The following PTPRM variants were observed in gnomAD, a reference collection of about 807,000 sequenced individuals.
The protein encoded by PTPRM is receptor-type tyrosine-protein phosphatase mu.
PTPRM carries 47 observed loss-of-function variants against 186.7 expected under a neutral mutation model. The observed-to-expected ratio is 0.25, with a 90% CI of 0.20 to 0.32. The LOEUF (loss-of-function observed/expected upper bound fraction) is 0.32. PTPRM is among the 10% of genes least tolerant of loss of function. The probability of loss-of-function intolerance (pLI) is 1.00; values close to 1 mark genes in which losing one functional copy is unlikely to be tolerated. For synonymous variants in PTPRM, 668 were observed against 674.9 expected (o/e 0.99, Z 0.16); for missense variants, 1,494 against 1,865.0 (o/e 0.80, Z 3.66).
chr18:8,218,828 G>A (rs2094120122), intron 14 of PTPRM, among the ~76,000 whole-genome samples: 1 of 152,216 alleles, frequency 6.6e-6, no homozygotes, highest in Non-Finnish European at 1.5e-5. Context: ...CAAAGAATAA[G>A]TTGAATTTAG....
intron 1 of PTPRM, among the ~76,000 whole-genome samples, chr18:7,586,804 T>C (rs1389480237): frequency 6.6e-6 from 1 of 152,170 alleles, no homozygotes; most frequent in Non-Finnish European, 1.5e-5. Flanking sequence ...ATGGTAAATA[T>C]TGACATTTTA....
At chr18:8,232,463 G>A (rs908993242) in intron 14 of PTPRM, among the ~76,000 whole-genome samples, 26 of 152,218 alleles carry the variant, frequency 1.7e-4, no homozygotes, top group African/African-American at 6.3e-4. Context: ...TGGGTAAATA[G>A]CAAGGAGCAT....
At chr18:8,069,625 T>C in intron 7 of PTPRM, 61 bp from the exon 8 acceptor site, 2 of 1,424,196 alleles carry the variant, frequency 1.4e-6, no homozygotes, top group South Asian at 2.7e-5. Flanking sequence ...ACCTTTGGGA[T>C]TGACCTGAGC....
chr18:7,948,449 C>G (rs990512333), intron 5 of PTPRM, among the ~76,000 whole-genome samples: 6 of 152,016 alleles, frequency 3.9e-5, no homozygotes, highest in Non-Finnish European at 1.5e-5. Flanking sequence ...AATGGATTTC[C>G]AAGTGTGCAT....
At chr18:7,841,417 G>T (rs994022018) in intron 2 of PTPRM, among the ~76,000 whole-genome samples, 22 of 149,860 alleles carry the variant, frequency 1.5e-4, no homozygotes, top group African/African-American at 5.4e-4. Flanking sequence ...TCAGCCTGCT[G>T]AGTAGCTGGG....
intron 13 of PTPRM, chr18:8,121,729 T>G (rs1047138363): frequency 1.7e-4 from 26 of 152,292 alleles, no homozygotes; most frequent in African/African-American, 6.3e-4. Flanking sequence ...ATAAAAACGT[T>G]TTTAGTGAAA....
At chr18:7,657,653 C>A (rs1055014080) in intron 1 of PTPRM, among the ~76,000 whole-genome samples, 1 of 152,202 alleles carries the variant, frequency 6.6e-6, no homozygotes, top group Non-Finnish European at 1.5e-5. Context: ...AAGGGGCATA[C>A]GATTTTAATT....
At chr18:8,280,604 T>C (rs1475932513) in intron 19 of PTPRM, among the ~76,000 whole-genome samples, 1 of 152,182 alleles carries the variant, frequency 6.6e-6, no homozygotes, top group Non-Finnish European at 1.5e-5. Flanking sequence ...GCTATTTAAA[T>C]GTAAATAATT....
chr18:7,791,000 G>A (rs2043315541), intron 2 of PTPRM, among the ~76,000 whole-genome samples: 2 of 151,850 alleles, frequency 1.3e-5, no homozygotes, highest in African/African-American at 4.8e-5. Flanking sequence ...AAAGGAGCTG[G>A]TAGTTTGTCA....
intron 14 of PTPRM, among the ~76,000 whole-genome samples, chr18:8,182,485 A>T (rs553149274): frequency 4.6e-5 from 7 of 152,256 alleles, no homozygotes; most frequent in Non-Finnish European, 1.0e-4. Context: ...TGAATGTCAC[A>T]CTAGTGATAG....
At chr18:8,233,765 G>A (rs2094314502) in intron 14 of PTPRM, among the ~76,000 whole-genome samples, 1 of 151,986 alleles carries the variant, frequency 6.6e-6, no homozygotes, top group African/African-American at 2.4e-5. Context: ...TCTTCTAGGA[G>A]TTTCATAGTT....
At chr18:7,651,593 T>C (rs374858746) in intron 1 of PTPRM, among the ~76,000 whole-genome samples, 95 of 151,882 alleles carry the variant, frequency 6.3e-4, no homozygotes, top group African/African-American at 2.2e-3. Context: ...TCAGAAATAA[T>C]GCCGCATATC....
intron 4 of PTPRM, among the ~76,000 whole-genome samples, chr18:7,908,568 G>A (rs529765007): frequency 6.6e-6 from 1 of 152,136 alleles, no homozygotes; most frequent in Non-Finnish European, 1.5e-5. Flanking sequence ...TGCTCTCTCT[G>A]ATATCTTTAT....
Position 8,247,919 on chromosome 18 carries a change from G to C in PTPRM, c.2527G>C (p.Asp843His), listed in dbSNP as rs750193639. Residue 843 changes from aspartate to histidine, a missense_variant and splice_region_variant, in exon 16 of 33, where the codon GAC (aspartate) becomes CAC (histidine). By Grantham distance (81) the Asp-to-His change is moderately conservative (BLOSUM62 -1). Around this residue, in one of 3 missense-constraint regions of PTPRM, gnomAD observed 1,107 missense variants for 1,350.2 expected, o/e 0.82. Coordinates refer to ENST00000580170, the MANE Select transcript of PTPRM (RefSeq NM_001105244.2). Reference sequence around the variant, plus strand: ...ATCGGTGCCTAATTCCTATTACCCAGGTAACAGTTTTTTCCATTGTCTCCT... The same window carrying C: ...ATCGGTGCCTAATTCCTATTACCCACGTAACAGTTTTTTCCATTGTCTCCT... The part of the protein sequence containing the change: ...STSVPNSYYP[D>H]PFVPTAILVP... The C allele has an allele frequency of 1.9e-6, 3 of 1,582,388 alleles. No individual in the cohort carries two copies. The highest frequency in any genetic ancestry group is 2.6e-6 in the Non-Finnish European group (3 of 1,151,112).
chr18:8,246,372 G>A (rs1172516258), intron 15 of PTPRM, among the ~76,000 whole-genome samples: 1 of 152,148 alleles, frequency 6.6e-6, no homozygotes, highest in African/African-American at 2.4e-5. Flanking sequence ...TGAGAATGGG[G>A]ATTAATCTCT....
intron 1 of PTPRM, among the ~76,000 whole-genome samples, chr18:7,654,141 T>A (rs1270378266): frequency 6.6e-6 from 1 of 152,224 alleles, no homozygotes; most frequent in Non-Finnish European, 1.5e-5. Context: ...TCTGTTCTTG[T>A]CTTTTGCCCA....
intron 13 of PTPRM, among the ~76,000 whole-genome samples, chr18:8,128,383 GGTT>G (rs2092423688): frequency 6.6e-6 from 1 of 152,126 alleles, no homozygotes; most frequent in Admixed American, 6.6e-5. Context: ...TAATATAGAG[GGTT>G]GGTGTGAGGA....
chr18:8,254,588 C>T (rs1217195691), intron 19 of PTPRM, among the ~76,000 whole-genome samples: 1 of 152,186 alleles, frequency 6.6e-6, no homozygotes, highest in Non-Finnish European at 1.5e-5. Context: ...TGGGAAACAT[C>T]TTGTCTGGAA....
chr18:7,795,918 A>G (rs1379794877), intron 2 of PTPRM, among the ~76,000 whole-genome samples: 2 of 149,994 alleles, frequency 1.3e-5, no homozygotes, highest in African/African-American at 2.5e-5. Context: ...GCCTCAAGCA[A>G]TCCTCCTGTT....
Sources: gnomAD v4.1 joint callset for allele counts (sites outside exome capture counted in the v4.1 genomes callset) on GRCh38, gnomAD v4.1.1 for gene constraint, gnomAD v4.1.1 regional missense constraint, MANE v1.5 for transcripts, NCBI Gene and HGNC (gene_info 2026-07-23, HGNC 2026-07-21) for gene names.